SYT2: variants seen among roughly 807,000 people sequenced by gnomAD.
SYT2 encodes synaptotagmin-2.
SYT2 carries 15 observed loss-of-function variants against 39.9 expected under a neutral mutation model. The ratio of observed to expected loss-of-function variants is 0.38; its 90% CI spans 0.25 to 0.58. The LOEUF (loss-of-function observed/expected upper bound fraction) is 0.58, where lower values mean the gene tolerates loss of function less well. Among genes scored for constraint, SYT2 ranks in the 20% least tolerant of loss-of-function variants. The pLI, the probability that SYT2 is intolerant of heterozygous loss-of-function variation, is 0.70. For synonymous variants in SYT2, 181 were observed against 204.5 expected (o/e 0.89, Z 0.98); for missense variants, 389 against 530.3 (o/e 0.73, Z 2.62).
intron 1 of SYT2, among the ~76,000 whole-genome samples, chr1:202,621,651 C>A (rs1439803718): frequency 6.6e-6 from 1 of 152,210 alleles, no homozygotes; most frequent in Non-Finnish European, 1.5e-5. Context: ...GTGTAGCTCA[C>A]CCAGAAATCG....
intron 1 of SYT2, among the ~76,000 whole-genome samples, chr1:202,706,256 G>A (rs1654247471): frequency 6.6e-6 from 1 of 152,068 alleles, no homozygotes; most frequent in Admixed American, 6.6e-5. Flanking sequence ...TTCGAGTGAG[G>A]GGGATGAAAT....
intron 1 of SYT2, among the ~76,000 whole-genome samples, chr1:202,683,762 GTATAC>G (rs1426680173): frequency 6.8e-6 from 1 of 147,748 alleles, no homozygotes; most frequent in African/African-American, 2.5e-5. Context: ...AAAAAAGAGT[GTATAC>G]TATATTATTC....
intron 1 of SYT2, among the ~76,000 whole-genome samples, chr1:202,662,680 T>C (rs1171329033): frequency 1.3e-5 from 2 of 152,320 alleles, no homozygotes; most frequent in Non-Finnish European, 2.9e-5. Flanking sequence ...CTGTGTGTTA[T>C]GGTTGCAGGT....
intron 1 of SYT2, among the ~76,000 whole-genome samples, chr1:202,613,097 T>TAA (rs1553336345): frequency 8.1e-6 from 1 of 123,056 alleles, no homozygotes; most frequent in Non-Finnish European, 1.6e-5. Flanking sequence ...TTTTTTTTTT[T>TAA]CCAGACAGAG....
At position 202,599,423 on chromosome 1, in the gene SYT2, C is replaced by T; in HGVS notation, c.920-72G>A. The T allele has an allele frequency of 6.6e-7, 1 of 1,509,622 alleles. No individual in the cohort carries two copies. Among genetic ancestry groups the T allele is most frequent in the Non-Finnish European group, 8.8e-7 (1 of 1,132,262 alleles). The allele number at this position is 1,509,622 out of a possible 1,614,324, so 93.5% of individuals were successfully genotyped here. A position where few individuals can be genotyped will look rare whatever the true frequency, so the allele number is the denominator to read the frequency against. ...AGCCTTCCTGCCGAATGTACCAAGG[C>T]CTGCCCAGAGCATCGGTCAAGAGGG... On this transcript the variant is annotated intron_variant, in intron 7 of 8. Transcript: ENST00000367268. The surrounding 1 kb of genome is among the most constrained non-coding windows in gnomAD (Gnocchi z 4.4).
chr1:202,651,785 G>A (rs1262319550), intron 1 of SYT2, among the ~76,000 whole-genome samples: 1 of 152,220 alleles, frequency 6.6e-6, no homozygotes, highest in African/African-American at 2.4e-5. Flanking sequence ...CAGAGGGCAG[G>A]CGTGGTGGCT....
chr1:202,639,472 G>C lies in SYT2; in HGVS notation c.-17-33683C>G, dbSNP rs1416060804. 5.1e-6 allele frequency: 5 copies of C among 982,376 alleles called. No individual in the cohort carries two copies. In the East Asian group the frequency reaches 4.5e-4, roughly 89 times the overall value. The allele number at this position is 982,376 out of a possible 1,614,324, so 60.9% of individuals were successfully genotyped here. A position where few individuals can be genotyped will look rare whatever the true frequency, so the allele number is the denominator to read the frequency against. On this transcript the variant is annotated intron_variant, in intron 1 of 8. Coordinates refer to ENST00000367268, the MANE Select transcript of SYT2 (RefSeq NM_177402.5). ...AGTTTCCCCATAATCAAAACAGAGG[G>C]CTGGATGAGATGATCCCACAGCCCC...
rs1309397789 is a variant in SYT2, at chr1:202,623,704, C to CT, written c.-17-17916dup. Reference sequence around the variant, plus strand: ...CCAGGAGGTCTGTTGTGCGCATGCTCTGAGTGTGAGGGAGGACGGGTAGGA... The same window carrying CT: ...CCAGGAGGTCTGTTGTGCGCATGCTCTTGAGTGTGAGGGAGGACGGGTAGGA... On this transcript the variant is annotated intron_variant, in intron 1 of 8. Transcript: ENST00000367268. This position sits in a 1 kb window ranked among gnomAD's most constrained non-coding sequence, Gnocchi z 4.2. Among the ~76,000 whole-genome samples, 3 of 152,178 alleles carry CT rather than the reference C, an allele frequency of 2.0e-5. No homozygotes were observed. The highest frequency in any genetic ancestry group is 4.4e-5 in the Non-Finnish European group (3 of 68,036).
chr1:202,599,464 G>A lies in SYT2; in HGVS notation c.920-113C>T. ...GTCAAGAGGGGGTCTTCACTCCGCTGAGACCAGGCCCTCAGAAAGCCCCAA... is the reference window on the plus strand; with the variant it reads ...GTCAAGAGGGGGTCTTCACTCCGCTAAGACCAGGCCCTCAGAAAGCCCCAA... On this transcript the variant is annotated intron_variant, in intron 7 of 8. Transcript: ENST00000367268. The surrounding 1 kb of genome is among the most constrained non-coding windows in gnomAD (Gnocchi z 4.4). 3.2e-6 allele frequency: 4 copies of A among 1,246,136 alleles called. No individual in the cohort carries two copies. Among genetic ancestry groups the A allele is most frequent in the East Asian group, 5.3e-5 (2 of 38,000 alleles). 77.2% of individuals were successfully genotyped at this position (1,246,136 alleles called of 1,614,324 possible).
chr1:202,612,043 G>T (rs1393391353), intron 1 of SYT2, among the ~76,000 whole-genome samples: 1 of 152,110 alleles, frequency 6.6e-6, no homozygotes, highest in Non-Finnish European at 1.5e-5. Flanking sequence ...TAGAAATTAG[G>T]TTCCACTATG....
At chr1:202,698,730 T>C (rs1467577565) in intron 1 of SYT2, among the ~76,000 whole-genome samples, 1 of 152,004 alleles carries the variant, frequency 6.6e-6, no homozygotes, top group Admixed American at 6.6e-5. Flanking sequence ...AAATAGGCAC[T>C]CAGTACAGCA....
chr1:202,691,732 G>GGAGAGAGA (rs1164044356), intron 1 of SYT2, among the ~76,000 whole-genome samples: 20 of 8,306 alleles, frequency 2.4e-3, no homozygotes, highest in South Asian at 7.8e-3. Context: ...GGAGAGGGGG[G>GGAGAGAGA]GAGAGAGAGA....
intron 1 of SYT2, among the ~76,000 whole-genome samples, chr1:202,669,530 T>C (rs895041061): frequency 2.0e-5 from 3 of 149,386 alleles, no homozygotes; most frequent in African/African-American, 7.4e-5. Context: ...GAGGGGGAGG[T>C]TGCAGTGAGC....
intron 1 of SYT2, among the ~76,000 whole-genome samples, chr1:202,641,019 A>G (rs113308277): frequency 0.017 from 2,513 of 152,290 alleles, 71 homozygotes; most frequent in African/African-American, 0.058. Flanking sequence ...TCAGTACTGG[A>G]CCAAGTATTT....
At chr1:202,667,219 G>A (rs1443051863) in intron 1 of SYT2, among the ~76,000 whole-genome samples, 1 of 152,092 alleles carries the variant, frequency 6.6e-6, no homozygotes, top group African/African-American at 2.4e-5. Context: ...AGGAGGAGGT[G>A]GTGTTATTGG....
At chr1:202,670,330 G>T (rs1167122567) in intron 1 of SYT2, among the ~76,000 whole-genome samples, 1 of 152,168 alleles carries the variant, frequency 6.6e-6, no homozygotes, top group South Asian at 2.1e-4. Flanking sequence ...GGATCATAGA[G>T]AAGTGGGAGC....
intron 1 of SYT2, among the ~76,000 whole-genome samples, chr1:202,691,331 C>T (rs796380758): frequency 1.5e-4 from 23 of 152,204 alleles, no homozygotes; most frequent in African/African-American, 5.1e-4. Context: ...CTTGAATTCT[C>T]AGTTGGTGAG....
chr1:202,625,581 C>T (rs1296933578), intron 1 of SYT2, among the ~76,000 whole-genome samples: 1 of 151,902 alleles, frequency 6.6e-6, no homozygotes, highest in South Asian at 2.1e-4. Flanking sequence ...CCCTGCGGCC[C>T]GTTGAGGAGA....
intron 1 of SYT2, among the ~76,000 whole-genome samples, chr1:202,638,746 C>CGGTG (rs1198937069): frequency 2.6e-5 from 4 of 152,354 alleles, no homozygotes; most frequent in Non-Finnish European, 5.9e-5. Flanking sequence ...TCCCCATCAC[C>CGGTG]CTACCCTGTT....
Sources: allele counts gnomAD v4.1 joint callset (sites outside exome capture counted in the v4.1 genomes callset), GRCh38; gene constraint gnomAD v4.1.1; non-coding constraint Gnocchi (gnomAD v3.1); transcripts MANE v1.5; gene names NCBI Gene and HGNC (gene_info 2026-07-23, HGNC 2026-07-21).